CPD: variants seen among roughly 807,000 people sequenced by gnomAD.
CPD encodes metallocarboxypeptidase D.
In CPD, 69 loss-of-function variants were observed where a neutral mutation model predicts 138.3. That is an observed-to-expected ratio of 0.50 (90% CI 0.41 to 0.61). The LOEUF (loss-of-function observed/expected upper bound fraction) is 0.61. CPD is among the 20% of genes least tolerant of loss of function. The pLI, the probability that CPD is intolerant of heterozygous loss-of-function variation, is 0.00. For missense variants in CPD, 1,432 were observed against 1,733.3 expected (o/e 0.83, Z 3.09); for synonymous variants, 651 against 642.1 (o/e 1.01, Z -0.21).
intron 12 of CPD, among the ~76,000 whole-genome samples, chr17:30,448,739 CT>C (rs1439558290): frequency 6.6e-6 from 1 of 152,112 alleles, no homozygotes; most frequent in Non-Finnish European, 1.5e-5. Context: ...ACTCAAATTA[CT>C]TTTACTGTGA....
At chr17:30,392,676 G>A (rs1911392169) in intron 2 of CPD, among the ~76,000 whole-genome samples, 2 of 152,186 alleles carry the variant, frequency 1.3e-5, no homozygotes, top group African/African-American at 4.8e-5. Context: ...TGATCACCCT[G>A]TGGTAGAATT....
chr17:30,448,674 C>G (rs1222796445), intron 12 of CPD, among the ~76,000 whole-genome samples: 2 of 152,162 alleles, frequency 1.3e-5, no homozygotes, highest in African/African-American at 4.8e-5. Context: ...AGCTCTTGGG[C>G]AAGCAGAGTA....
chr17:30,394,200 G>C (rs1044329794), intron 2 of CPD, among the ~76,000 whole-genome samples: 1 of 142,800 alleles, frequency 7.0e-6, no homozygotes, highest in African/African-American at 2.7e-5. Context: ...TATAATACAG[G>C]GTTCATAGGA....
At position 30,392,915 on chromosome 17, in the gene CPD, TTGCTCATG is replaced by T. The variant is rs1911398144; in HGVS notation, c.994+7682_994+7689del. 2.0e-5 allele frequency among the ~76,000 whole-genome samples: 3 copies of T among 152,248 alleles called. No individual in the cohort carries two copies. In the South Asian group the frequency reaches 6.2e-4, roughly 32 times the overall value. ...GAAATATAGTTGTCAGGCCTATGTA[TTGCTCATG>T]TGAGTCTATGGATTCTATTATTAGT... On this transcript the variant is annotated intron_variant, in intron 2 of 20. Coordinates refer to ENST00000225719, the MANE Select transcript of CPD (RefSeq NM_001304.5).
In CPD at chr17:30,423,684, A is replaced by G; in HGVS notation, c.1836A>G (p.Glu612=). ...LMPSMNPDGY[E]KSQEGDSISV... is the part of the protein sequence containing the mutation. ...CATCCATGAATCCTGATGGGTATGAAAAGTCCCAGGAAGGTAAAGAATAGC... is the reference window on the plus strand; with the variant it reads ...CATCCATGAATCCTGATGGGTATGAGAAGTCCCAGGAAGGTAAAGAATAGC... The change falls in exon 6 of 21, where the codon GAA becomes GAG. Residue 612 remains glutamate (E), a synonymous_variant. Coordinates refer to ENST00000225719, the MANE Select transcript of CPD (RefSeq NM_001304.5). 1 of 1,584,102 alleles carries G rather than the reference A, an allele frequency of 6.3e-7. No homozygotes were observed. The highest frequency in any genetic ancestry group is 8.6e-7 in the Non-Finnish European group (1 of 1,166,482).
At chr17:30,409,471 G>A (rs974723038) in intron 2 of CPD, among the ~76,000 whole-genome samples, 19 of 152,136 alleles carry the variant, frequency 1.2e-4, no homozygotes, top group African/African-American at 9.7e-5. Context: ...GAATTCAGCG[G>A]TGAATCCCTC....
chr17:30,455,447 C>G lies in CPD; in HGVS notation c.3314C>G (p.Pro1105Arg). 1 of 1,613,438 alleles carries G rather than the reference C, an allele frequency of 6.2e-7. No individual in the cohort carries two copies. The highest frequency in any genetic ancestry group is 2.2e-5 in the East Asian group (1 of 44,816). Reference protein sequence around the residue: ...LDGGSMLVTYPYDKPVQTVEN... With the variant: ...LDGGSMLVTYRYDKPVQTVEN... The stretch of plus-strand genomic sequence containing the variant: ...GGTGGTTCCATGCTGGTCACATATC[C>G]TTATGACAAGCCAGTACAGACAGGT... The change falls in exon 15 of 21, where the codon CCT becomes CGT. Residue 1105 changes from proline to arginine, a missense_variant. Around this residue, in one of 6 missense-constraint regions of CPD, gnomAD observed 366 missense variants for 518.8 expected, o/e 0.71. Transcript: ENST00000225719.
intron 2 of CPD, among the ~76,000 whole-genome samples, chr17:30,407,001 T>C (rs1245650256): frequency 6.6e-6 from 1 of 152,090 alleles, no homozygotes; most frequent in African/African-American, 2.4e-5. Context: ...TGTATGATGT[T>C]CCCTGCCCTG....
At chr17:30,434,726 G>T (rs1912655611) in intron 8 of CPD, among the ~76,000 whole-genome samples, 1 of 152,020 alleles carries the variant, frequency 6.6e-6, no homozygotes, top group Non-Finnish European at 1.5e-5. Context: ...AAAGTGGGGA[G>T]AAATGTAAGG....
Position 30,469,709 on chromosome 17 carries a change from C to A in CPD, c.*4895C>A, listed in dbSNP as rs1913735719. On this transcript the variant is annotated 3_prime_UTR_variant, in exon 21 of 21. Coordinates refer to ENST00000225719, the MANE Select transcript of CPD (RefSeq NM_001304.5). ...GCATGGCAGTAAAGTTTTAATTATGCCAAGATGCTTCATATTTGTTTTTAA... is the reference window on the plus strand; with the variant it reads ...GCATGGCAGTAAAGTTTTAATTATGACAAGATGCTTCATATTTGTTTTTAA... 1 of 152,070 alleles carries A rather than the reference C, an allele frequency of 6.6e-6. No individual in the cohort carries two copies. Among genetic ancestry groups the A allele is most frequent in the East Asian group, 1.9e-4 (1 of 5,194 alleles). The allele number at this position is 152,070 out of a possible 1,614,324, so 9.4% of individuals were successfully genotyped here. A position where few individuals can be genotyped will look rare whatever the true frequency, so the allele number is the denominator to read the frequency against.
At chr17:30,380,879 AT>A (rs1233481719) in intron 1 of CPD, among the ~76,000 whole-genome samples, 1 of 152,196 alleles carries the variant, frequency 6.6e-6, no homozygotes, top group African/African-American at 2.4e-5. Flanking sequence ...GCTTTTCCCC[AT>A]TTTTGTATCT....
intron 2 of CPD, among the ~76,000 whole-genome samples, chr17:30,393,627 C>T (rs190327644): frequency 2.0e-5 from 3 of 152,242 alleles, no homozygotes; most frequent in Non-Finnish European, 4.4e-5. Context: ...AGTAAGGATA[C>T]AGTGGATTTG....
intron 2 of CPD, among the ~76,000 whole-genome samples, chr17:30,414,419 C>T (rs1912050139): frequency 6.6e-6 from 1 of 151,722 alleles, no homozygotes; most frequent in Admixed American, 6.6e-5. Context: ...ACTAAAAATA[C>T]AAAAATACAA....
chr17:30,420,112 A>G (rs1912226482), intron 2 of CPD, among the ~76,000 whole-genome samples: 1 of 152,248 alleles, frequency 6.6e-6, no homozygotes, highest in African/African-American at 2.4e-5. Flanking sequence ...TAGGCTGTCA[A>G]CAAAATGAGT....
chr17:30,446,355 G>A (rs1913032026), intron 12 of CPD, among the ~76,000 whole-genome samples: 1 of 151,914 alleles, frequency 6.6e-6, no homozygotes, highest in South Asian at 2.1e-4. Context: ...ACCCCAGGGT[G>A]TGATGTTCCC....
rs765628135 is a variant in CPD at position 30,379,527 on chromosome 17, A to G, written c.547A>G (p.Asn183Asp). Residue 183 changes from asparagine (N) to aspartate (D), a missense_variant, in exon 1 of 21, where the codon AAC becomes GAC. Physicochemically the swap from Asn to Asp is conservative, Grantham distance 23. Around this residue, in one of 6 missense-constraint regions of CPD, gnomAD observed 484 missense variants for 477.2 expected, o/e 1.01. Transcript: ENST00000225719. This position sits in a 1 kb window ranked among gnomAD's most constrained non-coding sequence, Gnocchi z 7.0. ...CGACGTGTACCTGCTGCCCAGCCTC[A>G]ACCCCGATGGCTTCGAGCGTGCCCG... ...TTDVYLLPSL[N>D]PDGFERAREG... The G allele has an allele frequency of 1.9e-6, 3 of 1,564,836 alleles. No homozygotes were observed. Among genetic ancestry groups the G allele is most frequent in the East Asian group, 4.9e-5 (2 of 40,462 alleles).
intron 1 of CPD, among the ~76,000 whole-genome samples, chr17:30,384,718 T>G (rs535985459): frequency 6.6e-6 from 1 of 152,352 alleles, no homozygotes; most frequent in Admixed American, 6.5e-5. Context: ...TATCCAGCTA[T>G]TTTTTCAATG....
intron 7 of CPD, among the ~76,000 whole-genome samples, chr17:30,427,870 TTC>T (rs1170346616): frequency 1.3e-5 from 2 of 151,110 alleles, no homozygotes; most frequent in Non-Finnish European, 3.0e-5. Flanking sequence ...CCTCTCCCCT[TTC>T]TTCTCTGTCT....
At position 30,438,958 on chromosome 17, in the gene CPD, T is replaced by G. The variant is rs1479485849; in HGVS notation, c.2128-17T>G. 2 of 1,414,400 alleles carry G rather than the reference T, an allele frequency of 1.4e-6. No individual in the cohort carries two copies. Among genetic ancestry groups the G allele is most frequent in the East Asian group, 4.8e-5 (2 of 41,662 alleles). The allele number at this position is 1,414,400 out of a possible 1,614,324, so 87.6% of individuals were successfully genotyped here. ...GATACAAACAAATAGAAGTAAAGAT[T>G]CTTTTTGTTTTTCCAGGAAAATTCC... is the stretch of plus-strand genomic sequence containing the variant. On this transcript the variant is annotated splice_polypyrimidine_tract_variant and intron_variant, in intron 8 of 20. Transcript: ENST00000225719.
Sources: allele counts gnomAD v4.1 joint callset (sites outside exome capture counted in the v4.1 genomes callset), GRCh38; gene constraint gnomAD v4.1.1; regional missense constraint gnomAD v4.1.1; non-coding constraint Gnocchi (gnomAD v3.1); transcripts MANE v1.5; gene names NCBI Gene and HGNC (gene_info 2026-07-23, HGNC 2026-07-21).